The following SDK1 variants were observed in gnomAD, a reference collection of about 807,000 sequenced individuals.
The protein encoded by SDK1 is sidekick cell adhesion molecule 1, also known as protein sidekick-1.
In SDK1, 157 loss-of-function variants were observed where a neutral mutation model predicts 245.5. The ratio of observed to expected loss-of-function variants is 0.64; its 90% confidence interval spans 0.56 to 0.73. The LOEUF (loss-of-function observed/expected upper bound fraction) is 0.73. SDK1 is among the 30% of genes least tolerant of loss of function. The pLI is 0.00. For synonymous variants in SDK1, 1,647 were observed against 1,278.5 expected (o/e 1.29, Z -6.15); for missense variants, 3,583 against 3,002.3 (o/e 1.19, Z -4.52).
chr7:3,642,747 T>C (rs1458086263), intron 4 of SDK1: 1 of 152,222 alleles, frequency 6.6e-6, no homozygotes, highest in African/African-American at 2.4e-5. Flanking sequence ...CTTTAAGTGA[T>C]TAAAAAGAAC....
intron 5 of SDK1, among the ~76,000 whole-genome samples, chr7:3,929,062 T>C (rs2128116530): frequency 6.6e-6 from 1 of 152,362 alleles, no homozygotes; most frequent in African/African-American, 2.4e-5. Flanking sequence ...CTTCCCCATG[T>C]CAACTCTAGA....
chr7:3,977,706 G>C (rs886454195), intron 13 of SDK1, among the ~76,000 whole-genome samples: 7 of 152,260 alleles, frequency 4.6e-5, no homozygotes, highest in Admixed American at 3.9e-4. Context: ...TGGTAGCACT[G>C]ATCACGCTGC....
intron 4 of SDK1, among the ~76,000 whole-genome samples, chr7:3,679,766 G>C (rs967945916): frequency 2.0e-5 from 3 of 152,196 alleles, no homozygotes; most frequent in African/African-American, 4.8e-5. Context: ...AATACGTCGA[G>C]ATGTAAAGAA....
chr7:4,125,168 GTGGATGGA>G (rs367956909), intron 25 of SDK1, among the ~76,000 whole-genome samples: 1 of 139,586 alleles, frequency 7.2e-6, no homozygotes, highest in Non-Finnish European at 1.5e-5. Flanking sequence ...GGATGGATGG[GTGGATGGA>G]TGGATGGATG....
intron 1 of SDK1, among the ~76,000 whole-genome samples, chr7:3,557,331 TAAG>T (rs958044771): frequency 2.0e-5 from 3 of 152,260 alleles, no homozygotes; most frequent in Middle Eastern, 3.4e-3. Context: ...ATTTTCCAAC[TAAG>T]AAGAAATGAG....
intron 35 of SDK1, among the ~76,000 whole-genome samples, chr7:4,192,793 C>T (rs1054634762): frequency 1.3e-4 from 20 of 151,944 alleles, no homozygotes; most frequent in African/African-American, 4.8e-4. Context: ...AGCTCAACCA[C>T]AAGGCAGCAC....
intron 40 of SDK1, among the ~76,000 whole-genome samples, chr7:4,229,101 AT>A (rs2128234727): frequency 6.6e-6 from 1 of 152,304 alleles, no homozygotes; most frequent in East Asian, 1.9e-4. Flanking sequence ...CTGTAATGTT[AT>A]TTTCCCCCTA....
At chr7:4,004,603 C>G (rs567721085) in intron 14 of SDK1, among the ~76,000 whole-genome samples, 23 of 152,128 alleles carry the variant, frequency 1.5e-4, no homozygotes, top group African/African-American at 4.3e-4. Context: ...TAAATACACA[C>G]AAAAATATAG....
rs1361834661 is a variant in SDK1, at chr7:3,321,809, C to CTTCT, written c.298+19928_298+19929insTTTC. On this transcript the variant is annotated intron_variant, in intron 1 of 44. Coordinates refer to ENST00000404826, the MANE Select transcript of SDK1 (RefSeq NM_152744.4). ...CCTTCCTTCCTTCCTTCCTTCCTTC[C>CTTCT]TTCCTTCCTTCCTTCCTTCCTCCTT... 2.6e-3 allele frequency among the ~76,000 whole-genome samples: 330 copies of CTTCT among 127,038 alleles called. 5 individuals are homozygous for CTTCT. The highest frequency in any genetic ancestry group is 9.2e-3 in the African/African-American group (293 of 31,766). The allele number at this position is 127,038 out of a possible 152,430, so 83.3% of individuals were successfully genotyped here.
chr7:3,922,285 G>A (rs1011748807), intron 5 of SDK1, among the ~76,000 whole-genome samples: 6 of 152,194 alleles, frequency 3.9e-5, no homozygotes, highest in Non-Finnish European at 7.3e-5. Context: ...ATTCAGTCGG[G>A]ATGTGCTGGA....
rs1448964681 is a variant in SDK1 at position 4,268,393 on chromosome 7, G to A, written c.*3009G>A. 1.2e-5 allele frequency: 13 copies of A among 1,069,114 alleles called. No individual in the cohort carries two copies. In the South Asian group the frequency reaches 1.5e-4, roughly 13 times the overall value. The allele number at this position is 1,069,114 out of a possible 1,614,324, so 66.2% of individuals were successfully genotyped here. A position where few individuals can be genotyped will look rare whatever the true frequency, so the allele number is the denominator to read the frequency against. ...TGCACGGCCACCTTCTGGGTGAATCGGTCCAGCCCAAGCCCCTCTCCCCAG... is the reference window on the plus strand; with the variant it reads ...TGCACGGCCACCTTCTGGGTGAATCAGTCCAGCCCAAGCCCCTCTCCCCAG... On this transcript the variant is annotated 3_prime_UTR_variant, in exon 45 of 45. Transcript: ENST00000404826.
At chr7:3,576,462 C>T (rs1443583468) in intron 1 of SDK1, among the ~76,000 whole-genome samples, 1 of 152,012 alleles carries the variant, frequency 6.6e-6, no homozygotes. Context: ...AAAGAAGTCC[C>T]CGTTTGCAGT....
intron 5 of SDK1, among the ~76,000 whole-genome samples, chr7:3,920,983 G>A (rs1266979032): frequency 6.6e-6 from 1 of 152,148 alleles, no homozygotes; most frequent in African/African-American, 2.4e-5. Flanking sequence ...CATAGAAACA[G>A]ATAAACTATA....
chr7:4,013,022 A>G (rs565188250), intron 16 of SDK1, among the ~76,000 whole-genome samples: 4 of 152,356 alleles, frequency 2.6e-5, no homozygotes, highest in Admixed American at 2.6e-4. Flanking sequence ...ATTTCCAGAA[A>G]TCCAAAGATC....
intron 17 of SDK1, among the ~76,000 whole-genome samples, chr7:4,044,282 C>T (rs898575051): frequency 2.6e-5 from 4 of 152,236 alleles, no homozygotes; most frequent in African/African-American, 9.6e-5. Flanking sequence ...GATCCCCACA[C>T]TCCTACCGCT....
At chr7:3,622,573 T>C (rs889068478) in intron 2 of SDK1, among the ~76,000 whole-genome samples, 1 of 152,206 alleles carries the variant, frequency 6.6e-6, no homozygotes, top group African/African-American at 2.4e-5. Flanking sequence ...TTCAGAATTA[T>C]AAGACAACTT....
intron 1 of SDK1, among the ~76,000 whole-genome samples, chr7:3,486,451 T>G (rs753475037): frequency 6.6e-6 from 1 of 152,090 alleles, no homozygotes; most frequent in Non-Finnish European, 1.5e-5. Context: ...CTTTCCTGTT[T>G]GGTTTTGTTT....
chr7:3,574,174 T>C (rs925567107), intron 1 of SDK1, among the ~76,000 whole-genome samples: 1 of 151,614 alleles, frequency 6.6e-6, no homozygotes, highest in Non-Finnish European at 1.5e-5. Flanking sequence ...TAGAGTGCAG[T>C]GGCACAATCT....
In SDK1 at chr7:3,598,241, T is replaced by C. The variant is rs146032061; in HGVS notation, c.299-20839T>C. Among the ~76,000 whole-genome samples, 125 of 152,346 alleles carry C rather than the reference T, an allele frequency of 8.2e-4. 1 individual carries two copies. Among genetic ancestry groups the C allele is most frequent in the African/African-American group, 2.9e-3 (121 of 41,576 alleles). ...GCCTTTTGCTCATTTTATTTATATA[T>C]TTCCATTTGTCTTTTCTATCATTGA... On this transcript the variant is annotated intron_variant, in intron 1 of 44. Coordinates refer to ENST00000404826, the MANE Select transcript of SDK1 (RefSeq NM_152744.4).
Sources: allele counts gnomAD v4.1 joint callset (sites outside exome capture counted in the v4.1 genomes callset), GRCh38; gene constraint gnomAD v4.1.1; transcripts MANE v1.5; gene names NCBI Gene and HGNC (gene_info 2026-07-23, HGNC 2026-07-21).